CFAP61: variants seen among roughly 807,000 people sequenced by gnomAD.
The protein encoded by CFAP61 is cilia- and flagella-associated protein 61.
In CFAP61, 107 loss-of-function variants were observed where a neutral mutation model predicts 135.6. The observed-to-expected ratio is 0.79, with a 90% CI of 0.67 to 0.93. The LOEUF is 0.93. Ranked by LOEUF, CFAP61 falls within the 40% of genes least tolerant of loss-of-function variation. The pLI is 0.00. For missense variants in CFAP61, 1,507 were observed against 1,556.2 expected (o/e 0.97, Z 0.53); for synonymous variants, 575 against 578.5 (o/e 0.99, Z 0.09).
intron 25 of CFAP61, among the ~76,000 whole-genome samples, chr20:20,306,083 T>A (rs1378619179): frequency 6.6e-6 from 1 of 152,322 alleles, no homozygotes; most frequent in South Asian, 2.1e-4. Context: ...TTTTAGCATA[T>A]GTCACCTCCC....
chr20:20,305,597 G>T (rs1025938157), intron 25 of CFAP61, among the ~76,000 whole-genome samples: 2 of 152,138 alleles, frequency 1.3e-5, no homozygotes, highest in Non-Finnish European at 2.9e-5. Context: ...GCTTCCCTGC[G>T]GCCGTGTGCC....
chr20:20,280,353 G>A (rs1337761743), intron 22 of CFAP61, among the ~76,000 whole-genome samples: 1 of 152,154 alleles, frequency 6.6e-6, no homozygotes, highest in Non-Finnish European at 1.5e-5. Context: ...TCTGGAGGGA[G>A]CATGTTCCTG....
intron 9 of CFAP61, among the ~76,000 whole-genome samples, chr20:20,151,928 A>G (rs7273188): frequency 3.5e-4 from 54 of 152,182 alleles, no homozygotes; most frequent in African/African-American, 1.3e-3. Flanking sequence ...TCTAAAGTCA[A>G]AGTCAAGACA....
intron 14 of CFAP61, among the ~76,000 whole-genome samples, chr20:20,188,921 G>T (rs1272208780): frequency 6.6e-6 from 1 of 152,118 alleles, no homozygotes; most frequent in Non-Finnish European, 1.5e-5. Flanking sequence ...TCAGAGATTG[G>T]CTATGCCTGT....
chr20:20,099,578 C>CG (rs59967144), intron 8 of CFAP61, among the ~76,000 whole-genome samples: 14,509 of 150,496 alleles, frequency 0.096, 1,591 homozygotes, highest in East Asian at 0.61. Flanking sequence ...ACCTCCCACA[C>CG]GGGGGGGGGG....
chr20:20,065,400 T>G (rs1466746990), intron 2 of CFAP61, among the ~76,000 whole-genome samples: 1 of 151,804 alleles, frequency 6.6e-6, no homozygotes, highest in Non-Finnish European at 1.5e-5. Context: ...AAAAAAAAAG[T>G]TAAAATGGAA....
At chr20:20,318,822 A>G (rs772956269) in intron 25 of CFAP61, among the ~76,000 whole-genome samples, 4 of 152,212 alleles carry the variant, frequency 2.6e-5, no homozygotes, top group African/African-American at 7.2e-5. Context: ...TGGGCAGACA[A>G]AAAGCTTTCC....
chr20:20,200,007 C>G, intron 17 of CFAP61, 105 bp downstream of exon 17: 1 of 1,329,200 alleles, frequency 7.5e-7, no homozygotes. Context: ...TTCTTAATTA[C>G]AGGGAACCTG....
At chr20:20,055,578 C>A (rs1442769772) in intron 1 of CFAP61, among the ~76,000 whole-genome samples, 1 of 152,130 alleles carries the variant, frequency 6.6e-6, no homozygotes, top group Non-Finnish European at 1.5e-5. Flanking sequence ...CCCTCGCTCG[C>A]TTTCTTTCTT....
Position 20,277,240 on chromosome 20 carries a change from G to A in CFAP61, c.2578G>A (p.Gly860Ser). 4 of 1,613,456 alleles carry A rather than the reference G, an allele frequency of 2.5e-6. No individual in the cohort carries two copies. Among genetic ancestry groups the A allele is most frequent in the Non-Finnish European group, 3.4e-6 (4 of 1,179,926 alleles). ...GACGCTCTTAAACCTTGGCGTGAGC[G>A]GCAGCCGCATCCACCTCGTGCAGCC... is the stretch of plus-strand genomic sequence containing the variant. ...VETLLNLGVS[G>S]SRIHLVQPPP... Residue 860 changes from glycine to serine, a missense_variant, in exon 22 of 27, where the codon GGC becomes AGC. Gly to Ser is a moderately conservative substitution (Grantham distance 56, BLOSUM62 0). Transcript: ENST00000245957.
intron 6 of CFAP61, among the ~76,000 whole-genome samples, chr20:20,075,850 T>C (rs1341504343): frequency 6.6e-6 from 1 of 152,182 alleles, no homozygotes; most frequent in Non-Finnish European, 1.5e-5. Context: ...CATTGACTCC[T>C]TAGGGGTTTC....
At chr20:20,179,285 C>CA (rs905330958) in intron 13 of CFAP61, among the ~76,000 whole-genome samples, 13 of 152,138 alleles carry the variant, frequency 8.5e-5, no homozygotes, top group South Asian at 2.1e-4. Flanking sequence ...ACAATTGCCA[C>CA]AAAAAATAAA....
At chr20:20,300,440 G>A (rs2055994050) in intron 25 of CFAP61, among the ~76,000 whole-genome samples, 1 of 152,186 alleles carries the variant, frequency 6.6e-6, no homozygotes, top group Non-Finnish European at 1.5e-5. Flanking sequence ...CAGTGATATT[G>A]ATGATCCTGA....
intron 25 of CFAP61, among the ~76,000 whole-genome samples, chr20:20,322,431 A>G (rs1339009927): frequency 6.6e-6 from 1 of 152,182 alleles, no homozygotes; most frequent in African/African-American, 2.4e-5. Flanking sequence ...ACAAACCTCA[A>G]GGCCTTCACT....
chr20:20,332,924 A>C (rs769352885), intron 25 of CFAP61, among the ~76,000 whole-genome samples: 33 of 152,114 alleles, frequency 2.2e-4, no homozygotes, highest in Admixed American at 3.9e-4. Flanking sequence ...GCCCATTTCC[A>C]CATAATTCTT....
chr20:20,196,633 C>A lies in CFAP61; in HGVS notation c.1654C>A (p.Arg552Ser). The A allele has an allele frequency of 1.2e-6, 2 of 1,614,136 alleles. No homozygotes were observed. The highest frequency in any genetic ancestry group is 2.2e-5 in the South Asian group (2 of 91,078). The change falls in exon 16 of 27, where the codon CGC (arginine) becomes AGC (serine). Residue 552 changes from arginine (R) to serine (S), a missense_variant. Arg to Ser is a moderately radical substitution (Grantham distance 110). Transcript: ENST00000245957. ...TTTCATCTACTTCAGTCACCACCAG[C>A]GCGAAGAACACGGGCACATGCATCA... ...EDFIYFSHHQ[R>S]EEHGHMHHFA...
intron 2 of CFAP61, among the ~76,000 whole-genome samples, chr20:20,069,288 T>G (rs2146563309): frequency 6.6e-6 from 1 of 152,296 alleles, no homozygotes; most frequent in East Asian, 1.9e-4. Context: ...TATTTATTAT[T>G]ATTATGTTTT....
At chr20:20,140,018 G>A (rs1403710427) in intron 8 of CFAP61, among the ~76,000 whole-genome samples, 1 of 151,576 alleles carries the variant, frequency 6.6e-6, no homozygotes, top group African/African-American at 2.4e-5. Flanking sequence ...TAATTCACAA[G>A]TTTTCTGCTG....
At chr20:20,286,923 A>G (rs2054626043) in intron 22 of CFAP61, among the ~76,000 whole-genome samples, 1 of 152,274 alleles carries the variant, frequency 6.6e-6, no homozygotes, top group Admixed American at 6.5e-5. Context: ...TTGGGTAGGT[A>G]GAAGAACTTC....
Sources: gnomAD v4.1 joint callset for allele counts (sites outside exome capture counted in the v4.1 genomes callset) on GRCh38, gnomAD v4.1.1 for gene constraint, MANE v1.5 for transcripts, NCBI Gene and HGNC (gene_info 2026-07-23, HGNC 2026-07-21) for gene names.